Variants in GATAD2A observed in about 807,000 individuals in gnomAD.
The protein encoded by GATAD2A is GATA zinc finger domain containing 2A, also known as transcriptional repressor p66-alpha.
GATAD2A carries 12 observed loss-of-function variants against 68.5 expected under a neutral mutation model. The ratio of observed to expected loss-of-function variants is 0.18; its 90% CI spans 0.11 to 0.28. The LOEUF is 0.28. GATAD2A is among the 10% of genes least tolerant of loss of function. GATAD2A has a pLI of 1.00. For missense variants in GATAD2A, 755 were observed against 868.5 expected (o/e 0.87, Z 1.64); for synonymous variants, 410 against 375.3 (o/e 1.09, Z -1.07).
intron 1 of GATAD2A, among the ~76,000 whole-genome samples, chr19:19,409,295 A>C (rs1600034042): frequency 6.6e-6 from 1 of 152,130 alleles, no homozygotes; most frequent in East Asian, 1.9e-4. Context: ...AATTGAGTTA[A>C]TTTATGCTGG....
intron 1 of GATAD2A, among the ~76,000 whole-genome samples, chr19:19,415,388 C>G (rs996225245): frequency 6.6e-6 from 1 of 151,634 alleles, no homozygotes; most frequent in Non-Finnish European, 1.5e-5. Context: ...CTCGCGACTT[C>G]AGGTGATCTG....
rs1263561313 is a variant in GATAD2A, at chr19:19,492,453, G to A, written c.402+15G>A. On this transcript the variant is annotated intron_variant, in intron 3 of 11. Transcript: ENST00000683918. ...AGGCCCTCATGGTGAGCCACGTGTT[G>A]GCGCTGCCGCCGGAGCCCCACTGTG... 5.6e-6 allele frequency: 9 copies of A among 1,613,726 alleles called. No homozygotes were observed. Among genetic ancestry groups the A allele is most frequent in the Non-Finnish European group, 7.6e-6 (9 of 1,179,844 alleles).
At chr19:19,408,127 G>C (rs188336729) in intron 1 of GATAD2A, among the ~76,000 whole-genome samples, 74 of 152,274 alleles carry the variant, frequency 4.9e-4, no homozygotes, top group Admixed American at 2.6e-3. Flanking sequence ...AGCCTCCCGA[G>C]TAGTTGGGAC....
At chr19:19,412,083 TCTCTC>T (rs969562111) in intron 1 of GATAD2A, among the ~76,000 whole-genome samples, 2 of 150,652 alleles carry the variant, frequency 1.3e-5, no homozygotes, top group African/African-American at 4.9e-5. Flanking sequence ...TCTCTCTCTC[TCTCTC>T]TTTTTTTTTT....
intron 6 of GATAD2A, 46 bp from the exon 7 acceptor site, chr19:19,496,006 G>A (rs1212700380): frequency 1.9e-6 from 3 of 1,600,796 alleles, no homozygotes; most frequent in African/African-American, 2.7e-5. Context: ...CCGCTCCATT[G>A]TTGATCTCAG....
intron 6 of GATAD2A, 36 bp downstream of exon 6, chr19:19,495,921 G>C (rs756466543): frequency 1.2e-6 from 2 of 1,600,736 alleles, no homozygotes; most frequent in Non-Finnish European, 1.7e-6. Flanking sequence ...AGACCTGGCA[G>C]CCTCAGCAGT....
intron 1 of GATAD2A, among the ~76,000 whole-genome samples, chr19:19,430,976 G>GGTGTGTGTTT (rs2053659984): frequency 1.5e-5 from 2 of 136,694 alleles, no homozygotes; most frequent in African/African-American, 5.6e-5. Context: ...GTATGGTAGG[G>GGTGTGTGTTT]GTGTGTGTGT....
At chr19:19,424,209 C>CCACT (rs1418647345) in intron 1 of GATAD2A, among the ~76,000 whole-genome samples, 3 of 151,682 alleles carry the variant, frequency 2.0e-5, no homozygotes, top group Non-Finnish European at 4.4e-5. Flanking sequence ...CAGGCATGAG[C>CCACT]CACTGCATGT....
intron 1 of GATAD2A, among the ~76,000 whole-genome samples, chr19:19,428,690 C>T (rs1406560032): frequency 6.6e-6 from 1 of 152,092 alleles, no homozygotes; most frequent in East Asian, 1.9e-4. Flanking sequence ...GCTCTGGACC[C>T]GCATGAGAAC....
intron 4 of GATAD2A, 123 bp from the exon 5 acceptor site, chr19:19,494,171 C>T (rs550862088): frequency 3.4e-6 from 2 of 593,586 alleles, no homozygotes; most frequent in South Asian, 4.0e-5. Flanking sequence ...CCTCTGAGCG[C>T]CTGATGCCGT....
intron 1 of GATAD2A, among the ~76,000 whole-genome samples, chr19:19,451,654 C>T (rs1289634560): frequency 2.0e-5 from 3 of 152,120 alleles, no homozygotes; most frequent in South Asian, 4.2e-4. Flanking sequence ...GGTGGGAATG[C>T]GTGTGAGACT....
chr19:19,453,515 A>G (rs2056602012), intron 1 of GATAD2A, among the ~76,000 whole-genome samples: 1 of 152,102 alleles, frequency 6.6e-6, no homozygotes, highest in African/African-American at 2.4e-5. Context: ...TGCCCCCCAC[A>G]TACAAGGTCT....
intron 1 of GATAD2A, among the ~76,000 whole-genome samples, chr19:19,388,757 A>G (rs902205986): frequency 3.3e-5 from 5 of 152,058 alleles, no homozygotes; most frequent in African/African-American, 1.2e-4. Context: ...CCCCCTGCAT[A>G]GTATAACTTA....
intron 1 of GATAD2A, among the ~76,000 whole-genome samples, chr19:19,429,946 C>T (rs1470053266): frequency 6.6e-6 from 1 of 152,080 alleles, no homozygotes; most frequent in East Asian, 1.9e-4. Flanking sequence ...ACCTGAACAC[C>T]TCCTCAATGT....
chr19:19,494,431 C>T (rs371544809), intron 5 of GATAD2A, 48 bp downstream of exon 5: 3 of 1,188,802 alleles, frequency 2.5e-6, no homozygotes, highest in Non-Finnish European at 3.8e-6. Flanking sequence ...GGCACTGCTG[C>T]TGTCAAGCAC....
At chr19:19,488,344 C>T (rs185078856) in intron 2 of GATAD2A, among the ~76,000 whole-genome samples, 2 of 152,310 alleles carry the variant, frequency 1.3e-5, no homozygotes, top group East Asian at 1.9e-4. Flanking sequence ...GCTATAGCAC[C>T]TGCTTTTTAA....
At chr19:19,402,826 C>T (rs377090876), upstream of GATAD2A, among the ~76,000 whole-genome samples, 8 of 136,824 alleles carry the variant, frequency 5.8e-5, no homozygotes, top group South Asian at 2.3e-4. Flanking sequence ...CAGGCTGTAG[C>T]GTAATAGCGC....
intron 1 of GATAD2A, among the ~76,000 whole-genome samples, chr19:19,416,606 A>G (rs1054236446): frequency 4.6e-5 from 7 of 152,148 alleles, no homozygotes; most frequent in Non-Finnish European, 7.4e-5. Flanking sequence ...CTCACCTTCT[A>G]TGAAGTTTAA....
intron 7 of GATAD2A, among the ~76,000 whole-genome samples, chr19:19,497,517 G>A (rs1391862168): frequency 6.6e-6 from 1 of 152,206 alleles, no homozygotes; most frequent in Non-Finnish European, 1.5e-5. Context: ...TGAGGGGAAG[G>A]AGGAGGGGAA....
Sources: gnomAD v4.1 joint callset for allele counts (sites outside exome capture counted in the v4.1 genomes callset) on GRCh38, gnomAD v4.1.1 for gene constraint, MANE v1.5 for transcripts, NCBI Gene and HGNC (gene_info 2026-07-23, HGNC 2026-07-21) for gene names.